KTN1: variants seen among roughly 807,000 people sequenced by gnomAD.
The protein encoded by KTN1 is kinectin 1.
A neutral mutation model predicts 222.5 loss-of-function variants in KTN1; 130 were observed. The ratio of observed to expected loss-of-function variants is 0.58; its 90% CI spans 0.51 to 0.68. The LOEUF is 0.68. Among genes scored for constraint, KTN1 ranks in the 30% least tolerant of loss-of-function variants. The probability of loss-of-function intolerance (pLI) is 0.00; values close to 1 mark genes in which losing one functional copy is unlikely to be tolerated. For missense variants in KTN1, 1,508 were observed against 1,500.4 expected, an observed-to-expected ratio of 1.01 and a Z score of -0.08; for synonymous variants, 512 against 496.3, an observed-to-expected ratio of 1.03 and a Z score of -0.42.
chr14:55,641,857 G>A, intron 18 of KTN1, 97 bp downstream of exon 18: 1 of 817,244 alleles, frequency 1.2e-6, no homozygotes, highest in South Asian at 1.5e-5. Flanking sequence ...GAGAAATTTT[G>A]CTTAAGCTTA....
In KTN1 at chr14:55,670,806, T is replaced by A; in HGVS notation, c.3345T>A (p.Val1115=). 2 of 1,598,920 alleles carry A rather than the reference T, an allele frequency of 1.3e-6. No homozygotes were observed. The highest frequency in any genetic ancestry group is 1.1e-5 in the South Asian group (1 of 89,464). The change falls in exon 35 of 44, where the codon GTT becomes GTA. Residue 1115 remains valine (V), a synonymous_variant. Coordinates refer to ENST00000395314, the MANE Select transcript of KTN1 (RefSeq NM_001079521.2). The part of the protein sequence containing the change: ...CMAGTSGSEE[V]KVLEHKLKEA... ...CTGGAACTTCAGGGTCAGAGGAGGT[T>A]AAGGTTAGTTCAGCAAATGAACTGT...
At chr14:55,636,424 C>G (rs1182929766) in intron 9 of KTN1, 25 bp from the exon 10 acceptor site, 2 of 1,545,148 alleles carry the variant, frequency 1.3e-6, no homozygotes, top group East Asian at 2.3e-5. Flanking sequence ...GCTAATTTAT[C>G]CTTTCTCCCT....
intron 1 of KTN1, among the ~76,000 whole-genome samples, chr14:55,611,058 T>A (rs2037481581): frequency 6.6e-6 from 1 of 152,190 alleles, no homozygotes; most frequent in African/African-American, 2.4e-5. Context: ...TTTAAAAAAC[T>A]GAGATAAGTT....
chr14:55,648,293 T>C (rs1032419975), intron 20 of KTN1, among the ~76,000 whole-genome samples, 178 bp downstream of exon 20: 3 of 152,234 alleles, frequency 2.0e-5, no homozygotes, highest in African/African-American at 7.2e-5. Context: ...ATGCATAACA[T>C]TGACTGCCTT....
intron 34 of KTN1, chr14:55,668,905 A>G (rs1051428616): frequency 3.3e-5 from 5 of 152,078 alleles, no homozygotes; most frequent in Admixed American, 2.0e-4. Context: ...CATTGTAACT[A>G]TCGAGGATAT....
intron 8 of KTN1, among the ~76,000 whole-genome samples, 154 bp from the exon 9 acceptor site, chr14:55,634,372 A>G (rs1479875213): frequency 6.6e-6 from 1 of 152,232 alleles, no homozygotes; most frequent in African/African-American, 2.4e-5. Context: ...TTATACAACT[A>G]AACTTTATTG....
chr14:55,658,919 T>TA (rs1346705639), intron 30 of KTN1, among the ~76,000 whole-genome samples: 1 of 152,184 alleles, frequency 6.6e-6, no homozygotes, highest in Non-Finnish European at 1.5e-5. Context: ...GGGTTAAAGA[T>TA]ATGTGTACAC....
chr14:55,683,475 C>G (rs2046538189), intron 43 of KTN1: 1 of 152,044 alleles, frequency 6.6e-6, no homozygotes, highest in Non-Finnish European at 1.5e-5. Flanking sequence ...TCAGTGGTAC[C>G]ATTATTACAA....
chr14:55,635,760 C>T lies in KTN1; in HGVS notation c.1462-689C>T, dbSNP rs548047765. 3.9e-5 allele frequency among the ~76,000 whole-genome samples: 6 copies of T among 152,300 alleles called. No individual in the cohort carries two copies. In the South Asian group the frequency reaches 1.2e-3, roughly 32 times the overall value. On this transcript the variant is annotated intron_variant, in intron 9 of 43. Coordinates refer to ENST00000395314, the MANE Select transcript of KTN1 (RefSeq NM_001079521.2). Reference sequence around the variant, plus strand: ...AATTTGTGTAAGTTAAATGCTACCTCATTATAATAGATTCCTACCTAGGTC... The same window carrying T: ...AATTTGTGTAAGTTAAATGCTACCTTATTATAATAGATTCCTACCTAGGTC...
intron 5 of KTN1, among the ~76,000 whole-genome samples, chr14:55,627,051 G>A (rs1246347831): frequency 3.3e-5 from 5 of 152,170 alleles, no homozygotes; most frequent in Non-Finnish European, 4.4e-5. Context: ...TTCTGACAGG[G>A]TCGTGGAGCA....
intron 1 of KTN1, among the ~76,000 whole-genome samples, chr14:55,586,465 G>A (rs1266188215): frequency 1.3e-5 from 2 of 152,122 alleles, no homozygotes; most frequent in Admixed American, 1.3e-4. Context: ...TTATGAGGTA[G>A]GTACTATTTG....
At chr14:55,681,016 T>C (rs2046318318) in intron 43 of KTN1, 1 of 259,916 alleles carries the variant, frequency 3.8e-6, no homozygotes, top group African/African-American at 2.2e-5. Context: ...CTCAGATGGC[T>C]TATTTTAACC....
At chr14:55,648,999 C>G in intron 21 of KTN1, 129 bp downstream of exon 21, 1 of 646,240 alleles carries the variant, frequency 1.5e-6, no homozygotes, top group East Asian at 2.8e-5. Flanking sequence ...AATCATAACT[C>G]ACCGTAACCT....
chr14:55,607,377 T>C (rs2036886044), intron 1 of KTN1: 1 of 152,288 alleles, frequency 6.6e-6, no homozygotes, highest in Non-Finnish European at 1.5e-5. Flanking sequence ...ATGAAAACTC[T>C]CAATATAGAG....
intron 1 of KTN1, among the ~76,000 whole-genome samples, chr14:55,606,162 A>G (rs1255254365): frequency 6.6e-6 from 1 of 152,120 alleles, no homozygotes; most frequent in Non-Finnish European, 1.5e-5. Context: ...CCTCACAGCT[A>G]CTTCTGTAAT....
rs1309928872 is a variant in KTN1, at chr14:55,664,001, C to G, written c.3137C>G (p.Thr1046Ser). 6.2e-6 allele frequency: 10 copies of G among 1,612,732 alleles called. No homozygotes were observed. The highest frequency in any genetic ancestry group is 8.5e-6 in the Non-Finnish European group (10 of 1,179,128). ...GAAGCAATGGAAGCATTGGCATCAA[C>G]TGAAAAAATGCTGCAGGACAAAGTG... The part of the protein sequence containing the change: ...NWEAMEALAS[T>S]EKMLQDKVNK... The change falls in exon 33 of 44, where the codon ACT becomes AGT. Residue 1046 changes from threonine to serine, a missense_variant. Coordinates refer to ENST00000395314, the MANE Select transcript of KTN1 (RefSeq NM_001079521.2).
At chr14:55,587,951 A>G (rs1215871202) in intron 1 of KTN1, among the ~76,000 whole-genome samples, 2 of 152,050 alleles carry the variant, frequency 1.3e-5, no homozygotes, top group African/African-American at 4.8e-5. Context: ...ATTTAGTTTT[A>G]ACTTGAAGTA....
chr14:55,584,010 T>C (rs1441140640), intron 1 of KTN1, among the ~76,000 whole-genome samples: 1 of 152,212 alleles, frequency 6.6e-6, no homozygotes, highest in African/African-American at 2.4e-5. Context: ...TCTTATCTCT[T>C]ACCTAGATTT....
Position 55,630,101 on chromosome 14 carries a change from T to C in KTN1, c.1221+4T>C. On this transcript the variant is annotated splice_donor_region_variant and intron_variant, in intron 7 of 43. Transcript: ENST00000395314. The stretch of plus-strand genomic sequence containing the variant: ...GACTCAACAGATGCAGATGAAGGTA[T>C]ATTTTCATTCTTTGGAAACAAGATG... The C allele has an allele frequency of 1.9e-6, 3 of 1,610,198 alleles. No individual in the cohort carries two copies. The highest frequency in any genetic ancestry group is 2.5e-6 in the Non-Finnish European group (3 of 1,177,706).
Sources: gnomAD v4.1 joint callset for allele counts (sites outside exome capture counted in the v4.1 genomes callset) on GRCh38, gnomAD v4.1.1 for gene constraint, MANE v1.5 for transcripts, NCBI Gene and HGNC (gene_info 2026-07-23, HGNC 2026-07-21) for gene names.